CSNK1G1: variants seen among roughly 807,000 people sequenced by gnomAD.
CSNK1G1 encodes the protein casein kinase 1 gamma 1.
A neutral mutation model predicts 59.6 loss-of-function variants in CSNK1G1; 22 were observed. The ratio of observed to expected loss-of-function variants is 0.37; its 90% CI spans 0.26 to 0.53. CSNK1G1 has a LOEUF of 0.53. Among genes scored for constraint, CSNK1G1 ranks in the 20% least tolerant of loss-of-function variants. The pLI, the probability that CSNK1G1 is intolerant of heterozygous loss-of-function variation, is 0.89. For synonymous variants in CSNK1G1, 179 were observed against 177.1 expected, an observed-to-expected ratio of 1.01 and a Z score of -0.08; for missense variants, 384 against 519.5, an observed-to-expected ratio of 0.74 and a Z score of 2.54.
At chr15:64,339,960 T>TC (rs1273371315) in intron 1 of CSNK1G1, among the ~76,000 whole-genome samples, 1 of 152,250 alleles carries the variant, frequency 6.6e-6, no homozygotes, top group African/African-American at 2.4e-5. Context: ...ATTTTGATGT[T>TC]GTTTTTTTAA....
chr15:64,298,391 G>C (rs1596240568), intron 2 of CSNK1G1, among the ~76,000 whole-genome samples: 1 of 152,190 alleles, frequency 6.6e-6, no homozygotes, highest in East Asian at 1.9e-4. Flanking sequence ...GTAGTACTGT[G>C]ATGTTACAGT....
chr15:64,181,609 GA>G (rs1435891010), intron 10 of CSNK1G1: 2 of 599,410 alleles, frequency 3.3e-6, no homozygotes, highest in African/African-American at 3.9e-5. Flanking sequence ...GCATAGTGTA[GA>G]AATTGCCCTA....
intron 4 of CSNK1G1, among the ~76,000 whole-genome samples, chr15:64,233,528 C>T (rs969115193): frequency 6.6e-6 from 1 of 152,148 alleles, no homozygotes; most frequent in Non-Finnish European, 1.5e-5. Flanking sequence ...ATAAGCAAGT[C>T]TCTTACAGCA....
At position 64,169,068 on chromosome 15, in the gene CSNK1G1, A is replaced by T. The variant is rs895093461; in HGVS notation, c.*2863T>A. On this transcript the variant is annotated 3_prime_UTR_variant, in exon 12 of 12. Transcript: ENST00000303052. ...CAGTAAAAATTTTAAGACAAAAAAA[A>T]AGTCGCAAATCCAGCTGCAAGGCAG... 6.6e-6 allele frequency: 1 copy of T among 152,548 alleles called. No individual in the cohort carries two copies. Among genetic ancestry groups the T allele is most frequent in the African/African-American group, 2.4e-5 (1 of 41,422 alleles). The allele number at this position is 152,548 out of a possible 1,614,324, so 9.4% of individuals were successfully genotyped here.
intron 1 of CSNK1G1, among the ~76,000 whole-genome samples, chr15:64,339,499 G>C (rs1464948525): frequency 6.6e-6 from 1 of 152,090 alleles, no homozygotes; most frequent in Non-Finnish European, 1.5e-5. Context: ...TTTTAGTAGA[G>C]ACAGGGATTC....
chr15:64,208,647 C>T (rs1376148573), intron 6 of CSNK1G1, among the ~76,000 whole-genome samples: 1 of 152,134 alleles, frequency 6.6e-6, no homozygotes, highest in African/African-American at 2.4e-5. Flanking sequence ...GACCCTTCTG[C>T]CTCAGCTGAG....
Position 64,200,411 on chromosome 15 carries a change from T to C in CSNK1G1, c.1107+2671A>G, listed in dbSNP as rs1439891699. On this transcript the variant is annotated intron_variant, in intron 10 of 11. Transcript: ENST00000303052. The surrounding 1 kb of genome is among the most constrained non-coding windows in gnomAD (Gnocchi z 4.3). ...CCCAGGCTGGGGTGTAATGGTACCA[T>C]CTCGTCTCACTGCAACCTCCACCTC... 6.6e-6 allele frequency among the ~76,000 whole-genome samples: 1 copy of C among 152,086 alleles called. No individual in the cohort carries two copies. Among genetic ancestry groups the C allele is most frequent in the Non-Finnish European group, 1.5e-5 (1 of 67,998 alleles).
rs540752666 is a variant in CSNK1G1, at chr15:64,229,709, T to C, written c.293-12996A>G. Among the ~76,000 whole-genome samples, 58 of 152,064 alleles carry C rather than the reference T, an allele frequency of 3.8e-4. 1 individual carries two copies. In the Middle Eastern group the frequency reaches 0.01, roughly 27 times the overall value. On this transcript the variant is annotated intron_variant, in intron 4 of 11. Transcript: ENST00000303052. Reference sequence around the variant, plus strand: ...ACCTATGGACCAAGGACATTATTAGTCCTGTATCTGGATGGCTTGAAGTGA... The same window carrying C: ...ACCTATGGACCAAGGACATTATTAGCCCTGTATCTGGATGGCTTGAAGTGA...
rs769603883 is a variant in CSNK1G1 at position 64,171,917 on chromosome 15, C to T, written c.*14G>A. 6.2e-7 allele frequency: 1 copy of T among 1,612,926 alleles called. No homozygotes were observed. Among genetic ancestry groups the T allele is most frequent in the Non-Finnish European group, 8.5e-7 (1 of 1,178,878 alleles). On this transcript the variant is annotated 3_prime_UTR_variant, in exon 12 of 12. Transcript: ENST00000303052. This position sits in a 1 kb window ranked among gnomAD's most constrained non-coding sequence, Gnocchi z 4.8. The stretch of plus-strand genomic sequence containing the variant: ...CAGAGTCCCCAGGGCCTGAGGACTC[C>T]TGGGAGGCACTGGTCACTTGTGGCG...
intron 6 of CSNK1G1, among the ~76,000 whole-genome samples, chr15:64,213,253 A>G (rs1474185374): frequency 2.0e-5 from 3 of 152,148 alleles, no homozygotes; most frequent in African/African-American, 7.2e-5. Flanking sequence ...GGATAAGCCT[A>G]GGGCTCTGCC....
chr15:64,224,440 T>C (rs144135380), intron 4 of CSNK1G1, among the ~76,000 whole-genome samples: 9 of 152,286 alleles, frequency 5.9e-5, no homozygotes, highest in East Asian at 1.9e-4. Context: ...AATGGAAGCA[T>C]AGCCTTTAAA....
chr15:64,235,690 C>A (rs964299511), intron 4 of CSNK1G1, among the ~76,000 whole-genome samples: 17 of 152,196 alleles, frequency 1.1e-4, no homozygotes, highest in African/African-American at 3.9e-4. Flanking sequence ...AGAAGTTAAA[C>A]TCCTGAGTGG....
intron 10 of CSNK1G1, among the ~76,000 whole-genome samples, chr15:64,202,756 C>G (rs1353492070): frequency 6.6e-6 from 1 of 152,048 alleles, no homozygotes; most frequent in Admixed American, 6.5e-5. Flanking sequence ...GTTTCACCAT[C>G]TTGCCCAGGC....
intron 4 of CSNK1G1, among the ~76,000 whole-genome samples, chr15:64,228,232 G>A (rs1300532970): frequency 6.6e-6 from 1 of 151,916 alleles, no homozygotes; most frequent in Non-Finnish European, 1.5e-5. Context: ...AACCACCTGG[G>A]GCATTACTTT....
At chr15:64,172,621 T>C (rs2081688092) in intron 11 of CSNK1G1, among the ~76,000 whole-genome samples, 1 of 152,090 alleles carries the variant, frequency 6.6e-6, no homozygotes, top group Non-Finnish European at 1.5e-5. Context: ...CCCCTTTTCA[T>C]TTGCAGGGGA....
rs1287952734 is a variant in CSNK1G1 at position 64,167,762 on chromosome 15, G to A, written c.*4169C>T. Reference sequence around the variant, plus strand: ...GAGGTGGCTGGAACACAGGAGGCATGTGGGCTTGGGAGATGCATCAAACGA... The same window carrying A: ...GAGGTGGCTGGAACACAGGAGGCATATGGGCTTGGGAGATGCATCAAACGA... On this transcript the variant is annotated 3_prime_UTR_variant, in exon 12 of 12. Transcript: ENST00000303052. The A allele has an allele frequency of 6.5e-6, 1 of 152,684 alleles. No homozygotes were observed. The highest frequency in any genetic ancestry group is 1.5e-5 in the Non-Finnish European group (1 of 68,040). 9.5% of individuals were successfully genotyped at this position (152,684 alleles called of 1,614,324 possible).
At position 64,204,924 on chromosome 15, in the gene CSNK1G1, T is replaced by C; in HGVS notation, c.791A>G (p.Gln264Arg). 1 of 1,609,356 alleles carries C rather than the reference T, an allele frequency of 6.2e-7. No individual in the cohort carries two copies. Among genetic ancestry groups the C allele is most frequent in the South Asian group, 1.1e-5 (1 of 90,974 alleles). Residue 264 changes from glutamine (Q) to arginine (R), a missense_variant, in exon 8 of 12, where the codon CAA becomes CGA. Gln to Arg is a conservative substitution (Grantham distance 43). Coordinates refer to ENST00000303052, the MANE Select transcript of CSNK1G1 (RefSeq NM_022048.5). ...ATTCCTTTTGGTGTCACCAATTTTT[T>C]GATATCTCTCTTTTAATGTGTCAGC... ...LKADTLKERYQKIGDTKRNTP... is the reference protein window; with the variant it reads ...LKADTLKERYRKIGDTKRNTP...
chr15:64,350,927 C>T (rs1898251671), intron 1 of CSNK1G1, among the ~76,000 whole-genome samples: 1 of 151,186 alleles, frequency 6.6e-6, no homozygotes, highest in Non-Finnish European at 1.5e-5. Context: ...TTTTTCCTCC[C>T]AGCTTCTCAG....
rs1207395893 is a variant in CSNK1G1, at chr15:64,207,585, C to T, written c.689G>A (p.Arg230Gln). ...INTHLGKEQS[R>Q]RDDLEALGHM... ...GCCTAGGGCTTCCAAATCATCTCTC[C>T]GGCTTTGCTCTAAAAGGGAAGACAG... is the stretch of plus-strand genomic sequence containing the variant. The change falls in exon 7 of 12, where the codon CGG becomes CAG. Residue 230 changes from arginine to glutamine, a missense_variant. Arg to Gln is a conservative substitution (Grantham distance 43). Coordinates refer to ENST00000303052, the MANE Select transcript of CSNK1G1 (RefSeq NM_022048.5). 1.9e-6 allele frequency: 3 copies of T among 1,613,176 alleles called. No homozygotes were observed. Among genetic ancestry groups the T allele is most frequent in the Non-Finnish European group, 2.5e-6 (3 of 1,179,274 alleles).
Sources: gnomAD v4.1 joint callset for allele counts (sites outside exome capture counted in the v4.1 genomes callset) on GRCh38, gnomAD v4.1.1 for gene constraint, Gnocchi (gnomAD v3.1) non-coding constraint, MANE v1.5 for transcripts, NCBI Gene and HGNC (gene_info 2026-07-23, HGNC 2026-07-21) for gene names.